Variants in LRRTM4 observed in about 807,000 individuals in gnomAD.
LRRTM4 encodes leucine-rich repeat transmembrane neuronal protein 4.
LRRTM4 carries 25 observed loss-of-function variants against 47.6 expected under a neutral mutation model. The ratio of observed to expected loss-of-function variants is 0.53; its 90% confidence interval spans 0.38 to 0.73. The LOEUF (loss-of-function observed/expected upper bound fraction) is 0.73. Among genes scored for constraint, LRRTM4 ranks in the 30% least tolerant of loss-of-function variants. The pLI is 0.00. For missense variants in LRRTM4, 638 were observed against 713.4 expected, an observed-to-expected ratio of 0.89 and a Z score of 1.20; for synonymous variants, 311 against 269.5, an observed-to-expected ratio of 1.15 and a Z score of -1.51.
chr2:77,084,943 A>G (rs2103866396), intron 3 of LRRTM4, among the ~76,000 whole-genome samples: 1 of 152,304 alleles, frequency 6.6e-6, no homozygotes, highest in Non-Finnish European at 1.5e-5. Context: ...AGCAATTTTA[A>G]ATTTCAAAAA....
At chr2:77,041,191 G>A (rs1033858863) in intron 3 of LRRTM4, among the ~76,000 whole-genome samples, 2 of 151,442 alleles carry the variant, frequency 1.3e-5, no homozygotes, top group African/African-American at 4.8e-5. Flanking sequence ...TTCTGTGCTT[G>A]CCTTGCTTCA....
chr2:77,280,457 T>C (rs145858999), intron 3 of LRRTM4, among the ~76,000 whole-genome samples: 116 of 152,188 alleles, frequency 7.6e-4, no homozygotes, highest in African/African-American at 2.5e-3. Context: ...TTAATGTTAA[T>C]TGCATTGCTC....
chr2:77,362,320 AG>A (rs1672274988), intron 3 of LRRTM4, among the ~76,000 whole-genome samples: 1 of 152,136 alleles, frequency 6.6e-6, no homozygotes, highest in Admixed American at 6.6e-5. Context: ...GGACAGAAGA[AG>A]TTCTAGTATA....
intron 3 of LRRTM4, among the ~76,000 whole-genome samples, chr2:76,802,004 T>C (rs563425055): frequency 2.1e-3 from 320 of 152,192 alleles, no homozygotes; most frequent in Non-Finnish European, 3.7e-3. Flanking sequence ...GGCAACCCCA[T>C]TGCTAACATC....
intron 3 of LRRTM4, among the ~76,000 whole-genome samples, chr2:76,793,025 A>C: frequency 6.6e-6 from 1 of 152,186 alleles, no homozygotes; most frequent in East Asian, 1.9e-4. Flanking sequence ...TACTCTGAAA[A>C]TATTACACAC....
intron 3 of LRRTM4, among the ~76,000 whole-genome samples, chr2:77,190,260 T>C (rs943342364): frequency 6.6e-6 from 1 of 151,166 alleles, no homozygotes; most frequent in African/African-American, 2.4e-5. Flanking sequence ...TATTTTTGCA[T>C]CCCAGGTTGT....
intron 3 of LRRTM4, among the ~76,000 whole-genome samples, chr2:77,273,711 C>A (rs559595206): frequency 2.6e-5 from 4 of 152,192 alleles, no homozygotes; most frequent in African/African-American, 9.6e-5. Flanking sequence ...ATAAAATCAG[C>A]AGTACAAATT....
At chr2:77,417,958 G>C (rs1366151664) in intron 3 of LRRTM4, among the ~76,000 whole-genome samples, 5 of 152,010 alleles carry the variant, frequency 3.3e-5, no homozygotes, top group Non-Finnish European at 5.9e-5. Flanking sequence ...AATAATAATA[G>C]TTCCCAAAAG....
chr2:77,115,998 T>A (rs1450525567), intron 3 of LRRTM4, among the ~76,000 whole-genome samples: 1 of 152,190 alleles, frequency 6.6e-6, no homozygotes, highest in Admixed American at 6.5e-5. Flanking sequence ...GTGTTCTTTT[T>A]GACTAGGTAT....
intron 3 of LRRTM4, among the ~76,000 whole-genome samples, chr2:77,305,286 A>C (rs919742262): frequency 5.3e-5 from 8 of 152,034 alleles, no homozygotes; most frequent in Non-Finnish European, 8.8e-5. Flanking sequence ...CAAATCCTAT[A>C]CGCTGTAATT....
chr2:77,192,748 C>T (rs996269681), intron 3 of LRRTM4, among the ~76,000 whole-genome samples: 3 of 152,012 alleles, frequency 2.0e-5, no homozygotes, highest in African/African-American at 7.2e-5. Context: ...ATTGTGTGTC[C>T]AGATGTGATC....
intron 3 of LRRTM4, among the ~76,000 whole-genome samples, chr2:77,014,988 T>C (rs1417609007): frequency 2.0e-5 from 3 of 152,158 alleles, no homozygotes; most frequent in African/African-American, 7.2e-5. Flanking sequence ...CTACTTTTAA[T>C]GTTTTTGTGA....
intron 3 of LRRTM4, among the ~76,000 whole-genome samples, chr2:76,890,727 A>AT (rs1673224785): frequency 6.6e-6 from 1 of 151,702 alleles, no homozygotes; most frequent in Admixed American, 6.6e-5. Flanking sequence ...AATAACGAAC[A>AT]TAACTGACAA....
Position 76,963,604 on chromosome 2 carries a change from T to C in LRRTM4, c.1552-214688A>G, listed in dbSNP as rs140923492. ...CATTTAAAGATTCTTATAAGTATCA[T>C]CTAAGCTATAAAATAAAAATGTATA... On this transcript the variant is annotated intron_variant, in intron 3 of 3. Transcript: ENST00000409884. Among the ~76,000 whole-genome samples the C allele has an allele frequency of 8.0e-3, 1,206 of 151,096 alleles. 8 individuals are homozygous for C. The highest frequency in any genetic ancestry group is 0.013 in the Non-Finnish European group (853 of 67,220).
intron 3 of LRRTM4, among the ~76,000 whole-genome samples, chr2:77,340,646 T>A (rs895557771): frequency 1.3e-5 from 2 of 151,896 alleles, no homozygotes; most frequent in Admixed American, 6.6e-5. Context: ...GGAATTCAAG[T>A]TAGTGTAGAA....
intron 3 of LRRTM4, among the ~76,000 whole-genome samples, chr2:77,485,183 C>G (rs1573478854): frequency 6.6e-6 from 1 of 151,846 alleles, no homozygotes; most frequent in South Asian, 2.1e-4. Flanking sequence ...TAGATATTTA[C>G]TCCATGGAGC....
chr2:77,224,983 G>A (rs1179254249), intron 3 of LRRTM4, among the ~76,000 whole-genome samples: 2 of 150,780 alleles, frequency 1.3e-5, no homozygotes, highest in Non-Finnish European at 3.0e-5. Flanking sequence ...AACAATGATA[G>A]ACTGGATTAA....
At chr2:77,213,892 T>C (rs573809794) in intron 3 of LRRTM4, among the ~76,000 whole-genome samples, 67 of 151,656 alleles carry the variant, frequency 4.4e-4, no homozygotes, top group Non-Finnish European at 4.7e-4. Context: ...GGAAGAGATA[T>C]GGAATAAATG....
chr2:77,473,511 T>A (rs928409825), intron 3 of LRRTM4, among the ~76,000 whole-genome samples: 41 of 152,096 alleles, frequency 2.7e-4, no homozygotes, highest in African/African-American at 9.9e-4. Flanking sequence ...TTTCTAGAAA[T>A]GAGCGGGGCT....
Sources: allele counts gnomAD v4.1 joint callset (sites outside exome capture counted in the v4.1 genomes callset), GRCh38; gene constraint gnomAD v4.1.1; transcripts MANE v1.5; gene names NCBI Gene and HGNC (gene_info 2026-07-23, HGNC 2026-07-21).